Variants in CLCN1 observed in about 807,000 individuals in gnomAD.
The protein encoded by CLCN1 is chloride voltage-gated channel 1.
Under a neutral mutation model 114.5 loss-of-function variants are expected in CLCN1, and 100 were observed. The ratio of observed to expected loss-of-function variants is 0.87; its 90% CI spans 0.74 to 1.03. The LOEUF is 1.03. CLCN1 is among the 50% of genes least tolerant of loss of function. The pLI is 0.00. For synonymous variants in CLCN1, 485 were observed against 487.1 expected, an observed-to-expected ratio of 1.00 and a Z score of 0.06; for missense variants, 1,188 against 1,250.0, an observed-to-expected ratio of 0.95 and a Z score of 0.75.
chr7:143,326,084 T>G (rs1353671182), intron 7 of CLCN1, among the ~76,000 whole-genome samples: 2 of 152,142 alleles, frequency 1.3e-5, no homozygotes, highest in African/African-American at 4.8e-5. Context: ...TGGCACCATC[T>G]TGGCTCACTG....
chr7:143,339,285 C>A lies in CLCN1; in HGVS notation c.1434C>A (p.Pro478=), dbSNP rs1467553015. ...TGTCCATCGTGGCCACCACTATGCC[C>A]ATACCCTGCGGAGGCTTCATGCCTG... The part of the protein sequence containing the change: ...FWMSIVATTM[P]IPCGGFMPVF... The change falls in exon 13 of 23, where the codon CCC becomes CCA. Residue 478 remains proline (P), a synonymous_variant. Transcript: ENST00000343257. This position sits in a 1 kb window ranked among gnomAD's most constrained non-coding sequence, Gnocchi z 4.1. 22 of 1,613,474 alleles carry A rather than the reference C, an allele frequency of 1.4e-5. No individual in the cohort carries two copies. Among genetic ancestry groups the A allele is most frequent in the Non-Finnish European group, 1.8e-5 (21 of 1,179,364 alleles).
intron 6 of CLCN1, chr7:143,323,948 G>C: frequency 2.3e-6 from 1 of 442,770 alleles, no homozygotes; most frequent in Non-Finnish European, 4.6e-6. Flanking sequence ...ACTTAGAAGG[G>C]GGTTTTGGGT....
At position 143,321,874 on chromosome 7, in the gene CLCN1, A is replaced by G. The variant is rs755485162; in HGVS notation, c.696+26A>G. 2 of 1,612,242 alleles carry G rather than the reference A, an allele frequency of 1.2e-6. No individual in the cohort carries two copies. Among genetic ancestry groups the G allele is most frequent in the Non-Finnish European group, 1.7e-6 (2 of 1,179,072 alleles). Reference sequence around the variant, plus strand: ...GTAGGCCTGGCATGACTGAAGCCAGAGCTGGGAGGGGCCCTCAGGAGCCAG... The same window carrying G: ...GTAGGCCTGGCATGACTGAAGCCAGGGCTGGGAGGGGCCCTCAGGAGCCAG... On this transcript the variant is annotated intron_variant, in intron 5 of 22. Coordinates refer to ENST00000343257, the MANE Select transcript of CLCN1 (RefSeq NM_000083.3). This position sits in a 1 kb window ranked among gnomAD's most constrained non-coding sequence, Gnocchi z 4.2.
At chr7:143,338,014 T>G (rs1802958561) in intron 12 of CLCN1, among the ~76,000 whole-genome samples, 1 of 151,634 alleles carries the variant, frequency 6.6e-6, no homozygotes, top group South Asian at 2.1e-4. Flanking sequence ...ATTTTTTATT[T>G]TTTTATTTTT....
chr7:143,351,090 T>C (rs763083983), intron 22 of CLCN1, among the ~76,000 whole-genome samples: 31 of 152,260 alleles, frequency 2.0e-4, no homozygotes, highest in Middle Eastern at 3.4e-3. Flanking sequence ...CCTCTGTATT[T>C]CTTATGCAGA....
chr7:143,342,744 A>C (rs921036861), intron 16 of CLCN1, among the ~76,000 whole-genome samples: 8 of 152,128 alleles, frequency 5.3e-5, no homozygotes, highest in Admixed American at 2.6e-4. Context: ...CGAGGTGGGC[A>C]GATCACCTGA....
At position 143,339,395 on chromosome 7, in the gene CLCN1, C is replaced by G; in HGVS notation, c.1471+73C>G. The G allele has an allele frequency of 1.4e-6, 2 of 1,398,320 alleles. No homozygotes were observed. The highest frequency in any genetic ancestry group is 2.3e-5 in the South Asian group (2 of 86,728). 86.6% of individuals were successfully genotyped at this position (1,398,320 alleles called of 1,614,324 possible). ...GGATACAGGAAACATAAGGAAAGGCCCGGGATGCTGGGAGTTTATATTTGT... is the reference window on the plus strand; with the variant it reads ...GGATACAGGAAACATAAGGAAAGGCGCGGGATGCTGGGAGTTTATATTTGT... On this transcript the variant is annotated intron_variant, in intron 13 of 22. Transcript: ENST00000343257. The surrounding 1 kb of genome is among the most constrained non-coding windows in gnomAD (Gnocchi z 4.1).
rs564752872 is a variant in CLCN1 at position 143,320,225 on chromosome 7, T to C, written c.301+350T>C. On this transcript the variant is annotated intron_variant, in intron 2 of 22. Transcript: ENST00000343257. ...CCTGGCATCAAGCAATCCTCCCGCC[T>C]TAGCCTCCCAAATTCCTGGGATTAG... Among the ~76,000 whole-genome samples the C allele has an allele frequency of 3.3e-5, 5 of 152,372 alleles. No homozygotes were observed. The South Asian group carries it at 1.0e-3, about 32-fold the overall frequency.
In CLCN1 at chr7:143,339,675, A is replaced by G. The variant is rs1405239800; in HGVS notation, c.1582+54A>G. ...CAAACATTGAGTACTTCAGATCCCC[A>G]CACTTAAACTCTCCCATTGGATCTT... On this transcript the variant is annotated intron_variant, in intron 14 of 22. Coordinates refer to ENST00000343257, the MANE Select transcript of CLCN1 (RefSeq NM_000083.3). This position sits in a 1 kb window ranked among gnomAD's most constrained non-coding sequence, Gnocchi z 4.1. The G allele has an allele frequency of 5.7e-6, 6 of 1,061,760 alleles. No individual in the cohort carries two copies. The highest frequency in any genetic ancestry group is 8.9e-6 in the Non-Finnish European group (6 of 676,752). 65.8% of individuals were successfully genotyped at this position (1,061,760 alleles called of 1,614,324 possible). A position where few individuals can be genotyped will look rare whatever the true frequency, so the allele number is the denominator to read the frequency against.
chr7:143,320,858 G>T, intron 3 of CLCN1, 63 bp downstream of exon 3: 1 of 1,596,822 alleles, frequency 6.3e-7, no homozygotes, highest in Non-Finnish European at 8.6e-7. Context: ...GGTAAGCAGG[G>T]TGTGTTATCG....
intron 1 of CLCN1, 22 bp from the exon 2 acceptor site, chr7:143,319,733 T>C: frequency 6.2e-7 from 1 of 1,613,468 alleles, no homozygotes; most frequent in Non-Finnish European, 8.5e-7. Flanking sequence ...AGGCAGACAC[T>C]GATCATTCTC....
chr7:143,320,678 C>G lies in CLCN1; in HGVS notation c.316C>G (p.Leu106Val), dbSNP rs145517198. The change falls in exon 3 of 23, where the codon CTG becomes GTG. Residue 106 changes from leucine to valine, a missense_variant. Physicochemically the swap from Leu to Val is conservative, Grantham distance 32. Transcript: ENST00000343257. ...TCTCTTCCTAGATTGTATCCACCGCCTGGGACAGGTGGTGAGAAGAAAATT... is the reference window on the plus strand; with the variant it reads ...TCTCTTCCTAGATTGTATCCACCGCGTGGGACAGGTGGTGAGAAGAAAATT... ...YSKCQDCIHR[L>V]GQVVRRKLGE... The G allele has an allele frequency of 5.2e-4, 841 of 1,613,256 alleles. 8 individuals carry two copies. The African/African-American group carries it at 0.01, about 20-fold the overall frequency.
Position 143,339,386 on chromosome 7 carries a change from A to T in CLCN1, c.1471+64A>T. 8.4e-6 allele frequency: 12 copies of T among 1,426,364 alleles called. No homozygotes were observed. The highest frequency in any genetic ancestry group is 1.2e-5 in the Non-Finnish European group (12 of 1,008,866). The allele number at this position is 1,426,364 out of a possible 1,614,324, so 88.4% of individuals were successfully genotyped here. On this transcript the variant is annotated intron_variant, in intron 13 of 22. Transcript: ENST00000343257. This position sits in a 1 kb window ranked among gnomAD's most constrained non-coding sequence, Gnocchi z 4.1. ...TGCAATCTAGGATACAGGAAACATA[A>T]GGAAAGGCCCGGGATGCTGGGAGTT...
intron 12 of CLCN1, among the ~76,000 whole-genome samples, chr7:143,333,583 T>C (rs981807494): frequency 3.3e-5 from 5 of 152,222 alleles, no homozygotes; most frequent in African/African-American, 9.6e-5. Context: ...TGATGATCCA[T>C]TTTTTAGGTG....
chr7:143,316,832 A>C (rs572964551), intron 1 of CLCN1, among the ~76,000 whole-genome samples: 1 of 152,394 alleles, frequency 6.6e-6, no homozygotes, highest in African/African-American at 2.4e-5. Flanking sequence ...TTTCTGCAGA[A>C]GGCAGAAGAA....
At chr7:143,347,620 C>CAAAAAAAAAAAAAAAAAAAAAAAAAAA (rs57147641) in intron 20 of CLCN1, among the ~76,000 whole-genome samples, 1 of 94,978 alleles carries the variant, frequency 1.1e-5, no homozygotes, top group Non-Finnish European at 2.1e-5. Context: ...GACTTTGCCT[C>CAAAAAAAAAAAAAAAAAAAAAAAAAAA]AAAAAAAAAA....
intron 16 of CLCN1, among the ~76,000 whole-genome samples, chr7:143,343,669 C>T (rs1256984675): frequency 6.6e-6 from 1 of 152,164 alleles, no homozygotes; most frequent in East Asian, 1.9e-4. Context: ...TAATGCCCAA[C>T]TTATGGAAGA....
chr7:143,346,816 C>A, intron 19 of CLCN1, 95 bp from the exon 20 acceptor site: 1 of 1,318,204 alleles, frequency 7.6e-7, no homozygotes, highest in Non-Finnish European at 1.1e-6. Flanking sequence ...CATCGGTGGT[C>A]CTGGCCAGGG....
Position 143,316,205 on chromosome 7 carries a change from G to A in CLCN1, c.-8G>A, listed in dbSNP as rs537171820. 1.3e-5 allele frequency: 21 copies of A among 1,610,242 alleles called. No individual in the cohort carries two copies. In the East Asian group the frequency reaches 4.5e-4, roughly 34 times the overall value. Reference sequence around the variant, plus strand: ...CCAAGGCCTGGCCGGGGCTCGGGGGGAGGGAATATGGAGCAATCCCGGTCA... The same window carrying A: ...CCAAGGCCTGGCCGGGGCTCGGGGGAAGGGAATATGGAGCAATCCCGGTCA... On this transcript the variant is annotated 5_prime_UTR_variant, in exon 1 of 23. Transcript: ENST00000343257.
Sources: allele counts gnomAD v4.1 joint callset (sites outside exome capture counted in the v4.1 genomes callset), GRCh38; gene constraint gnomAD v4.1.1; non-coding constraint Gnocchi (gnomAD v3.1); transcripts MANE v1.5; gene names NCBI Gene and HGNC (gene_info 2026-07-23, HGNC 2026-07-21).